Variants in SUMO2 observed in about 807,000 individuals in gnomAD.
SUMO2 encodes the protein small ubiquitin like modifier 2.
In SUMO2, 1 loss-of-function variant was observed where a neutral mutation model predicts 16.0. The ratio of observed to expected loss-of-function variants is 0.06; its 90% CI spans 0.02 to 0.30. The LOEUF (loss-of-function observed/expected upper bound fraction) is 0.30. Among genes scored for constraint, SUMO2 ranks in the 10% least tolerant of loss-of-function variants. SUMO2 has a pLI of 1.00. For missense variants in SUMO2, 16 were observed against 117.5 expected, an observed-to-expected ratio of 0.14 and a Z score of 3.99; for synonymous variants, 36 against 40.6, an observed-to-expected ratio of 0.89 and a Z score of 0.43.
At position 75,181,043 on chromosome 17, in the gene SUMO2, T is replaced by C. The variant is rs753354464; in HGVS notation, c.153+14A>G. On this transcript the variant is annotated intron_variant, in intron 2 of 3. Coordinates refer to ENST00000420826, the MANE Select transcript of SUMO2 (RefSeq NM_006937.4). ...TAGTTTTATTCAGTGGAAGTACACA[T>C]ATGAATTCCTCACCTGTCGTTCACA... is the stretch of plus-strand genomic sequence containing the variant. 18 of 1,613,558 alleles carry C rather than the reference T, an allele frequency of 1.1e-5. No homozygotes were observed. The highest frequency in any genetic ancestry group is 9.3e-6 in the Non-Finnish European group (11 of 1,179,824).
At position 75,174,843 on chromosome 17, in the gene SUMO2, C is replaced by A. The variant is rs1396953297; in HGVS notation, c.154-20G>T. On this transcript the variant is annotated intron_variant, in intron 2 of 3. Coordinates refer to ENST00000420826, the MANE Select transcript of SUMO2 (RefSeq NM_006937.4). ...CAATCCCTGAACGAGAATTTAAAAGCAATAAACAGCATTAAGAGAAACAGA... is the reference window on the plus strand; with the variant it reads ...CAATCCCTGAACGAGAATTTAAAAGAAATAAACAGCATTAAGAGAAACAGA... The A allele has an allele frequency of 4.4e-6, 7 of 1,605,070 alleles. No individual in the cohort carries two copies. Among genetic ancestry groups the A allele is most frequent in the Non-Finnish European group, 6.0e-6 (7 of 1,174,626 alleles).
chr17:75,173,312 G>A (rs2074756423), intron 3 of SUMO2, among the ~76,000 whole-genome samples: 1 of 151,934 alleles, frequency 6.6e-6, no homozygotes, highest in South Asian at 2.1e-4. Context: ...ACAGACACAT[G>A]CTACCATGCC....
At chr17:75,175,667 A>G (rs1217086911) in intron 2 of SUMO2, among the ~76,000 whole-genome samples, 1 of 138,650 alleles carries the variant, frequency 7.2e-6, no homozygotes, top group Non-Finnish European at 1.6e-5. Context: ...GAGTTTTGCT[A>G]TGTCGCCCAG....
chr17:75,175,981 T>TA (rs1333932946), intron 2 of SUMO2, among the ~76,000 whole-genome samples: 1 of 152,080 alleles, frequency 6.6e-6, no homozygotes, highest in Non-Finnish European at 1.5e-5. Context: ...ACACAGCTAC[T>TA]ATAATGTTAA....
intron 2 of SUMO2, among the ~76,000 whole-genome samples, chr17:75,179,631 G>A (rs1184833794): frequency 6.6e-6 from 1 of 150,680 alleles, no homozygotes; most frequent in Non-Finnish European, 1.5e-5. Flanking sequence ...AAATACACTA[G>A]GCATAAAAAT....
intron 3 of SUMO2, among the ~76,000 whole-genome samples, chr17:75,171,311 G>A (rs2074736867): frequency 6.6e-6 from 1 of 151,140 alleles, no homozygotes; most frequent in Non-Finnish European, 1.5e-5. Context: ...TACTGACTCC[G>A]TCAATACAGA....
intron 2 of SUMO2, among the ~76,000 whole-genome samples, chr17:75,178,445 C>A (rs2074801100): frequency 6.9e-6 from 1 of 143,946 alleles, no homozygotes; most frequent in Admixed American, 7.3e-5. Context: ...ACCCAGGAGG[C>A]AGAGGTTGCA....
chr17:75,173,029 C>T (rs2074754084), intron 3 of SUMO2, among the ~76,000 whole-genome samples: 1 of 152,216 alleles, frequency 6.6e-6, no homozygotes, highest in Admixed American at 6.6e-5. Context: ...AACAAAACTA[C>T]AATCTGGATG....
At chr17:75,173,323 C>T (rs2074756543) in intron 3 of SUMO2, among the ~76,000 whole-genome samples, 1 of 151,988 alleles carries the variant, frequency 6.6e-6, no homozygotes, top group Non-Finnish European at 1.5e-5. Flanking sequence ...CTACCATGCC[C>T]AGCTCTTTTT....
In SUMO2 at chr17:75,168,334, C is replaced by G; in HGVS notation, c.*5G>C. 2 of 1,585,780 alleles carry G rather than the reference C, an allele frequency of 1.3e-6. No homozygotes were observed. The highest frequency in any genetic ancestry group is 1.7e-6 in the Non-Finnish European group (2 of 1,166,558). On this transcript the variant is annotated 3_prime_UTR_variant, in exon 4 of 4. Transcript: ENST00000420826. ...AGTTCTGGAGTAAAGAAGCAGGTTC[C>G]CTTTTCAGTAGACACCTCCCGTCTG...
At chr17:75,175,718 C>T (rs1184648123) in intron 2 of SUMO2, among the ~76,000 whole-genome samples, 2 of 150,514 alleles carry the variant, frequency 1.3e-5, no homozygotes, top group African/African-American at 2.4e-5. Flanking sequence ...CTGCAACCTC[C>T]GCCTCCTGGG....
At chr17:75,177,195 TTAAA>T (rs1261548646) in intron 2 of SUMO2, among the ~76,000 whole-genome samples, 1 of 150,230 alleles carries the variant, frequency 6.7e-6, no homozygotes, top group Non-Finnish European at 1.5e-5. Flanking sequence ...AATTAATTAA[TTAAA>T]TAAATAAAAA....
Position 75,167,154 on chromosome 17 carries a change from C to T in SUMO2, c.*1185G>A, listed in dbSNP as rs1026451314. The T allele has an allele frequency of 2.7e-5, 4 of 147,932 alleles. No individual in the cohort carries two copies. Among genetic ancestry groups the T allele is most frequent in the African/African-American group, 1.0e-4 (4 of 39,906 alleles). 9.2% of individuals were successfully genotyped at this position (147,932 alleles called of 1,614,324 possible). On this transcript the variant is annotated 3_prime_UTR_variant, in exon 4 of 4. Transcript: ENST00000420826. ...CATACGTGATAAAACCCTGTCTCGA[C>T]TAAAAATAGAAAAAAAATTAGCTGG...
intron 2 of SUMO2, among the ~76,000 whole-genome samples, chr17:75,178,912 G>A (rs112640062): frequency 6.6e-6 from 1 of 151,986 alleles, no homozygotes; most frequent in Non-Finnish European, 1.5e-5. Context: ...CCGAGATTGC[G>A]CCACTGCACT....
At chr17:75,173,497 G>C (rs1263233324) in intron 3 of SUMO2, among the ~76,000 whole-genome samples, 2 of 148,004 alleles carry the variant, frequency 1.4e-5, no homozygotes, top group Non-Finnish European at 3.0e-5. Flanking sequence ...TTTTTTGAGA[G>C]AGGGCCTCAC....
intron 3 of SUMO2, among the ~76,000 whole-genome samples, chr17:75,171,652 A>C (rs2074739614): frequency 6.6e-6 from 1 of 152,184 alleles, no homozygotes; most frequent in African/African-American, 2.4e-5. Flanking sequence ...AAAATGAAGT[A>C]AAATGAATTG....
intron 1 of SUMO2, among the ~76,000 whole-genome samples, chr17:75,181,728 T>A (rs547596492): frequency 6.6e-6 from 1 of 152,098 alleles, no homozygotes; most frequent in Non-Finnish European, 1.5e-5. Context: ...AATATCCCGA[T>A]TCCCCCCGGA....
intron 3 of SUMO2, among the ~76,000 whole-genome samples, chr17:75,168,793 T>A (rs1384303637): frequency 6.6e-6 from 1 of 151,940 alleles, no homozygotes; most frequent in Non-Finnish European, 1.5e-5. Flanking sequence ...TTAGTAGAGA[T>A]GGGGTTTCGT....
At position 75,174,025 on chromosome 17, in the gene SUMO2, G is replaced by A. The variant is rs1029743890; in HGVS notation, c.225+727C>T. On this transcript the variant is annotated intron_variant, in intron 3 of 3. Transcript: ENST00000420826. Reference sequence around the variant, plus strand: ...ACAAAGCTATGGGACGTGGCAATTAGGGCTATTAGTTCCTTTTTGTTCATG... The same window carrying A: ...ACAAAGCTATGGGACGTGGCAATTAAGGCTATTAGTTCCTTTTTGTTCATG... Among the ~76,000 whole-genome samples the A allele has an allele frequency of 5.9e-5, 9 of 152,280 alleles. 1 individual carries two copies. In the South Asian group the frequency reaches 1.5e-3, roughly 25 times the overall value.
Sources: allele counts gnomAD v4.1 joint callset (sites outside exome capture counted in the v4.1 genomes callset), GRCh38; gene constraint gnomAD v4.1.1; transcripts MANE v1.5; gene names NCBI Gene and HGNC (gene_info 2026-07-23, HGNC 2026-07-21).